Variants in CEMIP2 observed in about 807,000 individuals in gnomAD.
The protein encoded by CEMIP2 is cell migration inducing hyaluronidase 2, also known as cell surface hyaluronidase CEMIP2.
A neutral mutation model predicts 146.9 loss-of-function variants in CEMIP2; 79 were observed. The ratio of observed to expected loss-of-function variants is 0.54; its 90% CI spans 0.45 to 0.65. The LOEUF is 0.65. CEMIP2 is among the 30% of genes least tolerant of loss of function. The probability of loss-of-function intolerance (pLI) is 0.00; values close to 1 mark genes in which losing one functional copy is unlikely to be tolerated. For missense variants in CEMIP2, 1,596 were observed against 1,696.2 expected (o/e 0.94, Z 1.04); for synonymous variants, 601 against 606.3 (o/e 0.99, Z 0.13).
intron 4 of CEMIP2, among the ~76,000 whole-genome samples, chr9:71,741,184 GAT>G (rs1491272605): frequency 2.0e-4 from 21 of 106,452 alleles, no homozygotes; most frequent in Non-Finnish European, 3.3e-4. Context: ...AACTGAGTTA[GAT>G]TTTTTTTTTT....
chr9:71,740,803 T>G (rs919025648), intron 4 of CEMIP2, among the ~76,000 whole-genome samples: 19 of 151,164 alleles, frequency 1.3e-4, no homozygotes, highest in Non-Finnish European at 7.3e-5. Context: ...CCCAGGTGAC[T>G]GGAACATGCA....
intron 4 of CEMIP2, among the ~76,000 whole-genome samples, chr9:71,740,605 A>G (rs773902244): frequency 6.6e-6 from 1 of 152,202 alleles, no homozygotes; most frequent in Non-Finnish European, 1.5e-5. Context: ...CTATTAATAC[A>G]ATGTTCTCAA....
chr9:71,699,885 C>T (rs568474297), intron 19 of CEMIP2, among the ~76,000 whole-genome samples: 419 of 152,332 alleles, frequency 2.8e-3, no homozygotes, highest in African/African-American at 9.1e-3. Flanking sequence ...AATATAGAAC[C>T]GAGAGCATTC....
chr9:71,732,258 T>G, intron 7 of CEMIP2, 93 bp downstream of exon 7: 2 of 1,266,748 alleles, frequency 1.6e-6, no homozygotes, highest in Non-Finnish European at 2.2e-6. Context: ...GCTTTTAATA[T>G]CCATTTATAT....
chr9:71,724,028 T>A (rs1368059265), intron 11 of CEMIP2, among the ~76,000 whole-genome samples: 5 of 152,210 alleles, frequency 3.3e-5, no homozygotes, highest in Non-Finnish European at 7.3e-5. Flanking sequence ...CCAGGCATAG[T>A]GGCTCACACA....
Position 71,709,324 on chromosome 9 carries a change from G to T in CEMIP2, c.2920C>A (p.Arg974Ser), listed in dbSNP as rs373029027. 3.1e-6 allele frequency: 5 copies of T among 1,614,004 alleles called. No homozygotes were observed. The highest frequency in any genetic ancestry group is 4.2e-6 in the Non-Finnish European group (5 of 1,180,020). ...YVGRMDNYLI[R>S]HPSCVNVSKW... ...GACACATTTACACAGCTTGGATGGCGGATCAGGTAGTTGTCCATTCTTCCC... is the reference window on the plus strand; with the variant it reads ...GACACATTTACACAGCTTGGATGGCTGATCAGGTAGTTGTCCATTCTTCCC... The change falls in exon 17 of 24, where the codon CGC becomes AGC. Residue 974 changes from arginine to serine, a missense_variant. Transcript: ENST00000377044.
intron 13 of CEMIP2, 137 bp from the exon 14 acceptor site, chr9:71,716,689 T>C (rs1564006357): frequency 1.3e-5 from 8 of 596,700 alleles, no homozygotes; most frequent in Admixed American, 1.1e-4. Flanking sequence ...AAAAATTTGA[T>C]TTCACAATAA....
intron 14 of CEMIP2, among the ~76,000 whole-genome samples, chr9:71,716,310 C>T (rs1234351593): frequency 2.0e-5 from 3 of 151,266 alleles, no homozygotes; most frequent in Non-Finnish European, 4.4e-5. Flanking sequence ...GAAATTCCAG[C>T]TATATTAACC....
intron 14 of CEMIP2, 138 bp downstream of exon 14, chr9:71,716,379 T>TA (rs1823057938): frequency 1.6e-6 from 1 of 638,634 alleles, no homozygotes; most frequent in Non-Finnish European, 2.7e-6. Flanking sequence ...TTTGGCCCTC[T>TA]AGTGGCATCA....
In CEMIP2 at chr9:71,698,072, T is replaced by C. The variant is rs1822451513; in HGVS notation, c.3510A>G (p.Ala1170=). 3.1e-6 allele frequency: 5 copies of C among 1,614,062 alleles called. No homozygotes were observed. Among genetic ancestry groups the C allele is most frequent in the Non-Finnish European group, 4.2e-6 (5 of 1,180,036 alleles). The part of the protein sequence containing the change: ...SKDISNCMAK[A]YPQYYRKPSV... ...ACGGCTTTCTGTAGTACTGTGGGTA[T>C]GCTTTGGCCATGCAGTTACTGATGT... Residue 1170 remains alanine, a synonymous_variant, in exon 20 of 24, where the codon GCA becomes GCG. Transcript: ENST00000377044.
intron 23 of CEMIP2, 136 bp downstream of exon 23, chr9:71,685,607 C>A: frequency 1.1e-6 from 1 of 878,362 alleles, no homozygotes. Flanking sequence ...ACATTGTGCC[C>A]TTATTTAGAA....
At position 71,740,241 on chromosome 9, in the gene CEMIP2, A is replaced by G; in HGVS notation, c.1035-9T>C. 1 of 1,611,782 alleles carries G rather than the reference A, an allele frequency of 6.2e-7. No individual in the cohort carries two copies. Among genetic ancestry groups the G allele is most frequent in the African/African-American group, 1.3e-5 (1 of 75,042 alleles). ...CTAAAGCCCAAGCTTGCCTAGAAGG[A>G]AAAAGAGCATGTGCATTTGATTACT... On this transcript the variant is annotated splice_polypyrimidine_tract_variant and intron_variant, in intron 4 of 23. Transcript: ENST00000377044.
chr9:71,688,369 G>A (rs760156558), intron 22 of CEMIP2, among the ~76,000 whole-genome samples: 2 of 151,794 alleles, frequency 1.3e-5, no homozygotes, highest in African/African-American at 2.4e-5. Flanking sequence ...TGCTGGTATG[G>A]GTTCTTTATG....
chr9:71,718,096 G>T lies in CEMIP2; in HGVS notation c.2268-17C>A, dbSNP rs1823121960. ...GGTCGAAATCTAGGGGTTAAAAAAA[G>T]AATTTTAAAAAATATAACATAAAAG... On this transcript the variant is annotated splice_polypyrimidine_tract_variant and intron_variant, in intron 12 of 23. Transcript: ENST00000377044. The T allele has an allele frequency of 7.6e-6, 12 of 1,585,048 alleles. No homozygotes were observed. Among genetic ancestry groups the T allele is most frequent in the Non-Finnish European group, 7.7e-6 (9 of 1,167,596 alleles).
chr9:71,761,266 G>A (rs1564030133), intron 1 of CEMIP2, among the ~76,000 whole-genome samples: 1 of 152,126 alleles, frequency 6.6e-6, no homozygotes, highest in African/African-American at 2.4e-5. Flanking sequence ...TTCTCAGGAA[G>A]AAAAAACCAA....
intron 12 of CEMIP2, among the ~76,000 whole-genome samples, chr9:71,718,280 C>T (rs955494976): frequency 6.6e-6 from 1 of 152,088 alleles, no homozygotes; most frequent in South Asian, 2.1e-4. Flanking sequence ...GAACCAACTG[C>T]TTTTACATCT....
chr9:71,745,213 A>G lies in CEMIP2; in HGVS notation c.839T>C (p.Leu280Ser), dbSNP rs529156442. ...RVIDQDTAKILESERFDTHEY... is the reference protein window; with the variant it reads ...RVIDQDTAKISESERFDTHEY... ...ATGGGTATCAAATCTCTCACTTTCC[A>G]AAATTTTGGCCGTGTCTTGGTCAAT... Residue 280 changes from leucine (L) to serine (S), a missense_variant, in exon 4 of 24, where the codon TTG (leucine) becomes TCG (serine). Physicochemically the swap from Leu to Ser is moderately radical, Grantham distance 145 (BLOSUM62 -2). Transcript: ENST00000377044. 48 of 1,614,008 alleles carry G rather than the reference A, an allele frequency of 3.0e-5. No homozygotes were observed. The South Asian group carries it at 5.2e-4, about 17-fold the overall frequency.
Position 71,690,102 on chromosome 9 carries a change from T to C in CEMIP2, c.3841A>G (p.Ile1281Val). The change falls in exon 22 of 24, where the codon ATC becomes GTC. Residue 1281 changes from isoleucine (I) to valine (V), a missense_variant. By Grantham distance (29) the Ile-to-Val change is conservative. Transcript: ENST00000377044. ...SRIEEYLKTG[I>V]PPRSIVLLST... ...ACAAGCTTGACCTACCTTGGAGGGA[T>C]GCCTGTTTTTAAATACTCTTCAATG... 1.9e-6 allele frequency: 3 copies of C among 1,614,156 alleles called. No homozygotes were observed. Among genetic ancestry groups the C allele is most frequent in the Non-Finnish European group, 2.5e-6 (3 of 1,180,004 alleles).
At chr9:71,751,530 G>A (rs1323976893) in intron 1 of CEMIP2, among the ~76,000 whole-genome samples, 2 of 152,118 alleles carry the variant, frequency 1.3e-5, no homozygotes, top group African/African-American at 2.4e-5. Context: ...GGTGAGAGCC[G>A]CTGTTCTATG....
Sources: allele counts gnomAD v4.1 joint callset (sites outside exome capture counted in the v4.1 genomes callset), GRCh38; gene constraint gnomAD v4.1.1; transcripts MANE v1.5; gene names NCBI Gene and HGNC (gene_info 2026-07-23, HGNC 2026-07-21).